Variants in PTPRU observed in about 807,000 individuals in gnomAD.
PTPRU encodes the protein protein tyrosine phosphatase receptor type U.
PTPRU carries 69 observed loss-of-function variants against 166.3 expected under a neutral mutation model. The ratio of observed to expected loss-of-function variants is 0.41; its 90% CI spans 0.34 to 0.51. The LOEUF (loss-of-function observed/expected upper bound fraction) is 0.51. Ranked by LOEUF, PTPRU falls within the 20% of genes least tolerant of loss-of-function variation. PTPRU has a pLI of 0.09. For synonymous variants in PTPRU, 793 were observed against 814.0 expected (o/e 0.97, Z 0.44); for missense variants, 1,657 against 2,013.7 (o/e 0.82, Z 3.39).
At chr1:29,283,817 C>G in intron 12 of PTPRU, 123 bp from the exon 13 acceptor site, 1 of 1,225,514 alleles carries the variant, frequency 8.2e-7, no homozygotes, top group Admixed American at 1.9e-5. Context: ...TGGGGTGTCC[C>G]TTGATGCCAT....
At position 29,236,552 on chromosome 1, in the gene PTPRU, C is replaced by CGGCTCG. The variant is rs1683768889; in HGVS notation, c.-87_-82dup. The stretch of plus-strand genomic sequence containing the variant: ...CGCTCCGCGCCGCGCCGCTCCGCTC[C>CGGCTCG]GGCTCGGGCTCCGGCTCGCCTCGGG... On this transcript the variant is annotated 5_prime_UTR_variant, in exon 1 of 30. Transcript: ENST00000373779. The surrounding 1 kb of genome is among the most constrained non-coding windows in gnomAD (Gnocchi z 4.6). The CGGCTCG allele has an allele frequency of 1.0e-6, 1 of 1,003,980 alleles. No homozygotes were observed. The highest frequency in any genetic ancestry group is 4.9e-5 in the Admixed American group (1 of 20,458). The allele number at this position is 1,003,980 out of a possible 1,614,324, so 62.2% of individuals were successfully genotyped here. A position where few individuals can be genotyped will look rare whatever the true frequency, so the allele number is the denominator to read the frequency against.
intron 21 of PTPRU, 124 bp from the exon 22 acceptor site, chr1:29,312,428 T>C (rs1276983158): frequency 3.2e-6 from 3 of 939,502 alleles, no homozygotes; most frequent in Non-Finnish European, 3.0e-6. Context: ...ATCAGTAAAT[T>C]GATCATTGGG....
chr1:29,291,869 GA>G lies in PTPRU; in HGVS notation c.2321del (p.Lys774SerfsTer3). ...GAIIVIIRKGKPVNMTKATVN... is the reference protein window; with the variant it reads ...GAIIVIIRKGXPVNMTKATVN... Reference sequence around the variant, plus strand: ...GTCTCCCCTCAACCCCCCTCTCCAGGAAGCCGGTGAACATGACCAAGGCCAC... The same window carrying G: ...GTCTCCCCTCAACCCCCCTCTCCAGGAGCCGGTGAACATGACCAAGGCCAC... On this transcript the variant is annotated frameshift_variant and splice_region_variant, in exon 15 of 30. Transcript: ENST00000373779. LOFTEE classifies it high-confidence loss of function. The surrounding 1 kb of genome is among the most constrained non-coding windows in gnomAD (Gnocchi z 4.1). 6.2e-7 allele frequency: 1 copy of G among 1,613,794 alleles called. No individual in the cohort carries two copies.
At position 29,279,806 on chromosome 1, in the gene PTPRU, C is replaced by A. The variant is rs1474791691; in HGVS notation, c.1765+149C>A. ...ATGCCATTTAGGAGTTAAAGTCAGG[C>A]TCAGGGAGGATGAAGTCAGAGGAGT... On this transcript the variant is annotated intron_variant, in intron 10 of 29. Transcript: ENST00000373779. The surrounding 1 kb of genome is among the most constrained non-coding windows in gnomAD (Gnocchi z 5.2). 2 of 1,080,678 alleles carry A rather than the reference C, an allele frequency of 1.9e-6. No individual in the cohort carries two copies. Among genetic ancestry groups the A allele is most frequent in the Non-Finnish European group, 2.7e-6 (2 of 747,228 alleles). The allele number at this position is 1,080,678 out of a possible 1,614,324, so 66.9% of individuals were successfully genotyped here. A position where few individuals can be genotyped will look rare whatever the true frequency, so the allele number is the denominator to read the frequency against.
rs201087122 is a variant in PTPRU at position 29,258,492 on chromosome 1, C to T, written c.206-13C>T. On this transcript the variant is annotated splice_polypyrimidine_tract_variant and intron_variant, in intron 2 of 29. Coordinates refer to ENST00000373779, the MANE Select transcript of PTPRU (RefSeq NM_133178.4). ...GTCTCCTCATCTCCTGCCTCTTCCT[C>T]CTCTCTTTCCAGGCTCCTACTTGAT... is the stretch of plus-strand genomic sequence containing the variant. 135 of 1,610,838 alleles carry T rather than the reference C, an allele frequency of 8.4e-5. No individual in the cohort carries two copies. The highest frequency in any genetic ancestry group is 1.3e-4 in the Admixed American group (8 of 59,788).
chr1:29,292,669 G>A (rs1265577148), intron 15 of PTPRU, among the ~76,000 whole-genome samples: 3 of 152,162 alleles, frequency 2.0e-5, no homozygotes, highest in Non-Finnish European at 4.4e-5. Flanking sequence ...AAGAGAATAT[G>A]TAATGTTTAT....
rs1686644018 is a variant in PTPRU, at chr1:29,291,790, T to A, written c.2319-79T>A. On this transcript the variant is annotated intron_variant, in intron 14 of 29. Coordinates refer to ENST00000373779, the MANE Select transcript of PTPRU (RefSeq NM_133178.4). The surrounding 1 kb of genome is among the most constrained non-coding windows in gnomAD (Gnocchi z 4.1). Reference sequence around the variant, plus strand: ...GCTCCTGGCCTTGAGGTCCCCTTACTCCAGGGCCTCCCCAGCCACCTCTGG... The same window carrying A: ...GCTCCTGGCCTTGAGGTCCCCTTACACCAGGGCCTCCCCAGCCACCTCTGG... 6.7e-7 allele frequency: 1 copy of A among 1,499,180 alleles called. No individual in the cohort carries two copies. Among genetic ancestry groups the A allele is most frequent in the African/African-American group, 1.4e-5 (1 of 72,588 alleles). 92.9% of individuals were successfully genotyped at this position (1,499,180 alleles called of 1,614,324 possible).
At position 29,258,649 on chromosome 1, in the gene PTPRU, T is replaced by C; in HGVS notation, c.350T>C (p.Leu117Pro). The change falls in exon 3 of 30, where the codon CTG becomes CCG. Residue 117 changes from leucine (L) to proline (P), a missense_variant. By Grantham distance (98) the Leu-to-Pro change is moderately conservative. Transcript: ENST00000373779. Reference protein sequence around the residue: ...YSRDGHSPGTLGVYVRVNGGP... With the variant: ...YSRDGHSPGTPGVYVRVNGGP... ...CGGGACGGGCACAGCCCGGGCACCC[T>C]GGGCGTCTACGTGCGCGTTAATGGG... The C allele has an allele frequency of 6.2e-7, 1 of 1,614,248 alleles. No individual in the cohort carries two copies. Among genetic ancestry groups the C allele is most frequent in the Non-Finnish European group, 8.5e-7 (1 of 1,180,038 alleles).
At chr1:29,301,870 G>T (rs2151962253) in intron 15 of PTPRU, among the ~76,000 whole-genome samples, 1 of 152,300 alleles carries the variant, frequency 6.6e-6, no homozygotes, top group African/African-American at 2.4e-5. Context: ...TGCTCAGAAT[G>T]ATAGTTTCCA....
chr1:29,244,724 T>A (rs933885199), intron 1 of PTPRU, among the ~76,000 whole-genome samples: 1 of 152,124 alleles, frequency 6.6e-6, no homozygotes, highest in African/African-American at 2.4e-5. Flanking sequence ...CCCTTAGAGT[T>A]CTCATTTGTG....
chr1:29,295,725 C>T (rs1686851884), intron 15 of PTPRU, among the ~76,000 whole-genome samples: 1 of 151,852 alleles, frequency 6.6e-6, no homozygotes, highest in Admixed American at 6.6e-5. Context: ...CTCACTCTGT[C>T]ACCCAGGCTG....
At chr1:29,318,856 C>T (rs1688019716) in intron 25 of PTPRU, among the ~76,000 whole-genome samples, 1 of 152,210 alleles carries the variant, frequency 6.6e-6, no homozygotes, top group Admixed American at 6.5e-5. Context: ...TGGGCCAGGG[C>T]CAGGTGTGTC....
rs572802875 is a variant in PTPRU, at chr1:29,237,953, C to A, written c.73+1236C>A. Among the ~76,000 whole-genome samples the A allele has an allele frequency of 2.4e-3, 364 of 150,688 alleles. 1 individual carries two copies. Among genetic ancestry groups the A allele is most frequent in the African/African-American group, 8.4e-3 (348 of 41,328 alleles). On this transcript the variant is annotated intron_variant, in intron 1 of 29. Transcript: ENST00000373779. This position sits in a 1 kb window ranked among gnomAD's most constrained non-coding sequence, Gnocchi z 6.4. The stretch of plus-strand genomic sequence containing the variant: ...CCTGGCTCGCCGCCGGGGGACGGCG[C>A]CCCCTCCCTTGGCGCGCAGGACGCG...
chr1:29,312,645 T>C lies in PTPRU; in HGVS notation c.3166T>C (p.Phe1056Leu). The C allele has an allele frequency of 1.9e-6, 3 of 1,611,980 alleles. No homozygotes were observed. Among genetic ancestry groups the C allele is most frequent in the Admixed American group, 1.7e-5 (1 of 60,008 alleles). Reference protein sequence around the residue: ...VPYHATGLLAFIRRVKASTPP... With the variant: ...VPYHATGLLALIRRVKASTPP... Reference sequence around the variant, plus strand: ...CTACCATGCCACGGGGCTGCTGGCTTTCATCCGGCGCGTGAAGGCCTCCAC... The same window carrying C: ...CTACCATGCCACGGGGCTGCTGGCTCTCATCCGGCGCGTGAAGGCCTCCAC... The change falls in exon 22 of 30, where the codon TTC becomes CTC. Residue 1056 changes from phenylalanine to leucine, a missense_variant. Phe to Leu is a conservative substitution (Grantham distance 22, BLOSUM62 0). Transcript: ENST00000373779.
chr1:29,317,779 TGGA>T lies in PTPRU; in HGVS notation c.3550_3552del (p.Glu1184del). The T allele has an allele frequency of 1.2e-6, 2 of 1,612,148 alleles. No homozygotes were observed. ...AACTCGGTCACCCCGCCGCTGGACG[TGGA>T]GGAGTGCAGCATCGCCCTGTTGCCC... On this transcript the variant is annotated inframe_deletion, in exon 25 of 30. Transcript: ENST00000373779. The surrounding 1 kb of genome is among the most constrained non-coding windows in gnomAD (Gnocchi z 5.6).
rs776375990 is a variant in PTPRU, at chr1:29,305,414, G to T, written c.2806G>T (p.Ala936Ser). The change falls in exon 18 of 30, where the codon GCC becomes TCC. Residue 936 changes from alanine to serine, a missense_variant. Ala to Ser is a moderately conservative substitution (Grantham distance 99, BLOSUM62 1). Coordinates refer to ENST00000373779, the MANE Select transcript of PTPRU (RefSeq NM_133178.4). ...AGACCCCAATGCCGACTACATTAAT[G>T]CCAACTACATAGATGTGAGTGCCTT... ...LGDPNADYIN[A>S]NYIDGYHRSN... 2 of 1,613,676 alleles carry T rather than the reference G, an allele frequency of 1.2e-6. No homozygotes were observed. The highest frequency in any genetic ancestry group is 1.7e-6 in the Non-Finnish European group (2 of 1,179,930).
chr1:29,255,556 T>G, intron 2 of PTPRU, 150 bp downstream of exon 2: 1 of 1,218,760 alleles, frequency 8.2e-7, no homozygotes, highest in Non-Finnish European at 1.2e-6. Flanking sequence ...TGAATGTGGC[T>G]TTCTCTGGAC....
chr1:29,285,026 G>C (rs1686279184), intron 14 of PTPRU, among the ~76,000 whole-genome samples, 157 bp downstream of exon 14: 1 of 152,178 alleles, frequency 6.6e-6, no homozygotes, highest in South Asian at 2.1e-4. Flanking sequence ...GATCTGAGCT[G>C]GGTGGTGGGA....
intron 8 of PTPRU, among the ~76,000 whole-genome samples, chr1:29,278,463 G>A (rs1685915064): frequency 6.6e-6 from 1 of 152,210 alleles, no homozygotes; most frequent in Admixed American, 6.5e-5. Flanking sequence ...GCCTGCAAGT[G>A]TTAATGCTAA....
Sources: gnomAD v4.1 joint callset for allele counts (sites outside exome capture counted in the v4.1 genomes callset) on GRCh38, gnomAD v4.1.1 for gene constraint, Gnocchi (gnomAD v3.1) non-coding constraint, MANE v1.5 for transcripts, NCBI Gene and HGNC (gene_info 2026-07-23, HGNC 2026-07-21) for gene names.